ANKUB1: variants seen among roughly 807,000 people sequenced by gnomAD.
ANKUB1 encodes the protein protein ANKUB1.
A neutral mutation model predicts 49.3 loss-of-function variants in ANKUB1; 42 were observed. That is an observed-to-expected ratio of 0.85 (90% CI 0.67 to 1.10). The LOEUF (loss-of-function observed/expected upper bound fraction) is 1.10, where lower values mean the gene tolerates loss of function less well. ANKUB1 is among the 50% of genes least tolerant of loss of function. The pLI is 0.00. For synonymous variants in ANKUB1, 222 were observed against 231.0 expected, an observed-to-expected ratio of 0.96 and a Z score of 0.35; for missense variants, 613 against 642.0, an observed-to-expected ratio of 0.95 and a Z score of 0.49.
At chr3:149,791,704 T>C (rs1718366973) in intron 1 of ANKUB1, among the ~76,000 whole-genome samples, 1 of 152,182 alleles carries the variant, frequency 6.6e-6, no homozygotes, top group Non-Finnish European at 1.5e-5. Flanking sequence ...TATTTTAGAG[T>C]GAACATTTAT....
In ANKUB1 at chr3:149,780,286, A is replaced by C; in HGVS notation, c.404T>G (p.Leu135Arg). The change falls in exon 3 of 6, where the codon CTG becomes CGG. Residue 135 changes from leucine to arginine, a missense_variant. By Grantham distance (102) the Leu-to-Arg change is moderately radical. Coordinates refer to ENST00000446160, the MANE Select transcript of ANKUB1 (RefSeq NM_001144960.3). The part of the protein sequence containing the change: ...SVYCLRTPRG[L>R]EMYDCNTLKD... ...GAGGGTGTTGCAATCATACATCTCC[A>C]GGCCCCTTGGGGTTCGGAGACAGTA... 1 of 1,551,730 alleles carries C rather than the reference A, an allele frequency of 6.4e-7. No homozygotes were observed. Among genetic ancestry groups the C allele is most frequent in the South Asian group, 1.2e-5 (1 of 84,060 alleles).
At chr3:149,787,794 TTC>T (rs1454965338) in intron 2 of ANKUB1, among the ~76,000 whole-genome samples, 1 of 152,200 alleles carries the variant, frequency 6.6e-6, no homozygotes, top group Non-Finnish European at 1.5e-5. Context: ...TCCAGTGTCT[TTC>T]TCTGTTTTTC....
At chr3:149,768,205 T>A in intron 4 of ANKUB1, 110 bp from the exon 5 acceptor site, 2 of 834,552 alleles carry the variant, frequency 2.4e-6, no homozygotes, top group Non-Finnish European at 3.4e-6. Flanking sequence ...TATTTCTTCT[T>A]AACTTTTACC....
At chr3:149,776,005 A>T (rs976648496) in intron 3 of ANKUB1, among the ~76,000 whole-genome samples, 1 of 152,162 alleles carries the variant, frequency 6.6e-6, no homozygotes, top group African/African-American at 2.4e-5. Flanking sequence ...ACTTATCATG[A>T]TAGATTTATG....
intron 5 of ANKUB1, among the ~76,000 whole-genome samples, chr3:149,762,600 CT>C (rs1398431249): frequency 5.3e-5 from 8 of 152,180 alleles, no homozygotes; most frequent in Non-Finnish European, 8.8e-5. Context: ...AGCTTCCTAC[CT>C]TTACTATAGT....
rs1717314440 is a variant in ANKUB1 at position 149,770,670 on chromosome 3, T to C, written c.456A>G (p.Thr152=). The stretch of plus-strand genomic sequence containing the variant: ...CATCCCAGACATCCAAGCGAAGTGT[T>C]GTGCCTGTGGATCAAGAGAGGTGGT... ...TLKDYQTDIG[T]TLRLDVWDGW... The change falls in exon 4 of 6, where the codon ACA becomes ACG. Residue 152 remains threonine, a synonymous_variant. Coordinates refer to ENST00000446160, the MANE Select transcript of ANKUB1 (RefSeq NM_001144960.3). The C allele has an allele frequency of 3.9e-6, 6 of 1,542,502 alleles. No homozygotes were observed. Among genetic ancestry groups the C allele is most frequent in the Non-Finnish European group, 5.3e-6 (6 of 1,141,136 alleles).
At chr3:149,777,109 T>C (rs1016121346) in intron 3 of ANKUB1, among the ~76,000 whole-genome samples, 1 of 152,246 alleles carries the variant, frequency 6.6e-6, no homozygotes, top group African/African-American at 2.4e-5. Context: ...TGTATCACCC[T>C]GCCTGCAGGC....
rs1387779723 is a variant in ANKUB1 at position 149,770,654 on chromosome 3, C to T, written c.472G>A (p.Val158Ile). Residue 158 changes from valine to isoleucine, a missense_variant, in exon 4 of 6, where the codon GTC becomes ATC. Val to Ile is a conservative substitution (Grantham distance 29). Transcript: ENST00000446160. ...TDIGTTLRLD[V>I]WDGWKEFLMG... ...AGAAATTCCTTCCATCCATCCCAGA[C>T]ATCCAAGCGAAGTGTTGTGCCTGTG... The T allele has an allele frequency of 1.2e-5, 18 of 1,549,702 alleles. No homozygotes were observed. The highest frequency in any genetic ancestry group is 1.5e-5 in the Non-Finnish European group (17 of 1,146,032).
intron 2 of ANKUB1, among the ~76,000 whole-genome samples, chr3:149,789,224 A>C (rs572337660): frequency 3.3e-4 from 50 of 152,310 alleles, no homozygotes; most frequent in South Asian, 1.2e-3. Context: ...TACTGTTAAA[A>C]ACCTTGTCTA....
At chr3:149,783,260 T>A (rs1576680592) in intron 2 of ANKUB1, 1 of 152,354 alleles carries the variant, frequency 6.6e-6, no homozygotes, top group East Asian at 1.9e-4. Context: ...CCTCTCTGTC[T>A]ATATGATACT....
In ANKUB1 at chr3:149,770,418, A is replaced by G. The variant is rs554437064; in HGVS notation, c.566+142T>C. The G allele has an allele frequency of 2.8e-4, 173 of 628,770 alleles. 4 individuals carry two copies. In the South Asian group the frequency reaches 3.2e-3, roughly 12 times the overall value. The allele number at this position is 628,770 out of a possible 1,614,324, so 38.9% of individuals were successfully genotyped here. A position where few individuals can be genotyped will look rare whatever the true frequency, so the allele number is the denominator to read the frequency against. The stretch of plus-strand genomic sequence containing the variant: ...TTCCAACAAATATGTCAATAATAAT[A>G]TTTGGTTGAGACATACTAAGTGGAA... On this transcript the variant is annotated intron_variant, in intron 4 of 5. Coordinates refer to ENST00000446160, the MANE Select transcript of ANKUB1 (RefSeq NM_001144960.3).
At chr3:149,784,132 G>C (rs931808769) in intron 2 of ANKUB1, among the ~76,000 whole-genome samples, 4 of 152,088 alleles carry the variant, frequency 2.6e-5, no homozygotes, top group Non-Finnish European at 1.5e-5. Context: ...TCTACTCAAT[G>C]GTACTACAGT....
At chr3:149,789,187 C>G (rs1718246771) in intron 2 of ANKUB1, among the ~76,000 whole-genome samples, 1 of 152,074 alleles carries the variant, frequency 6.6e-6, no homozygotes, top group Non-Finnish European at 1.5e-5. Context: ...AAAATCAGTC[C>G]TTAGTTAAAT....
intron 5 of ANKUB1, among the ~76,000 whole-genome samples, chr3:149,766,176 TAC>T (rs932715309): frequency 7.9e-5 from 12 of 152,222 alleles, no homozygotes; most frequent in Admixed American, 1.3e-4. Context: ...CTAATTCCGA[TAC>T]ACTTTCTTAT....
chr3:149,781,008 T>G (rs1180673698), intron 2 of ANKUB1, among the ~76,000 whole-genome samples: 4 of 151,004 alleles, frequency 2.6e-5, no homozygotes, highest in Non-Finnish European at 4.4e-5. Context: ...TTCCTTTTTT[T>G]TTTTTTTTTG....
At chr3:149,782,786 C>T (rs1256621316) in intron 2 of ANKUB1, among the ~76,000 whole-genome samples, 2 of 152,168 alleles carry the variant, frequency 1.3e-5, no homozygotes, top group Non-Finnish European at 2.9e-5. Flanking sequence ...GCAATCCATC[C>T]ACCTCAGCCT....
intron 5 of ANKUB1, among the ~76,000 whole-genome samples, chr3:149,764,794 T>C (rs762207254): frequency 4.0e-5 from 6 of 151,746 alleles, no homozygotes; most frequent in Non-Finnish European, 8.8e-5. Context: ...ATGTTTTCTC[T>C]AGAAATTTCT....
intron 3 of ANKUB1, among the ~76,000 whole-genome samples, chr3:149,775,010 T>G (rs1042717658): frequency 1.3e-5 from 2 of 152,216 alleles, no homozygotes; most frequent in Non-Finnish European, 2.9e-5. Flanking sequence ...TTTTCTTGTC[T>G]TAGTTTTGGA....
rs151036300 is a variant in ANKUB1, at chr3:149,777,636, C to T, written c.451+2603G>A. ...CCCAGTGCTCTCAGCAAGGTTCCTC[C>T]GCTCTGCAGAACAGTCTCCTGCTTT... On this transcript the variant is annotated intron_variant, in intron 3 of 5. Transcript: ENST00000446160. Among the ~76,000 whole-genome samples, 147 of 152,328 alleles carry T rather than the reference C, an allele frequency of 9.7e-4. 2 individuals are homozygous for T. The East Asian group carries it at 0.015, about 15-fold the overall frequency.
Sources: allele counts gnomAD v4.1 joint callset (sites outside exome capture counted in the v4.1 genomes callset), GRCh38; gene constraint gnomAD v4.1.1; transcripts MANE v1.5; gene names NCBI Gene and HGNC (gene_info 2026-07-23, HGNC 2026-07-21).